MYO9A: variants seen among roughly 807,000 people sequenced by gnomAD.
MYO9A encodes myosin IXA, also known as unconventional myosin-IXa.
MYO9A carries 103 observed loss-of-function variants against 293.3 expected under a neutral mutation model. The observed-to-expected ratio is 0.35, with a 90% CI of 0.30 to 0.41. MYO9A has a LOEUF of 0.41. Ranked by LOEUF, MYO9A falls within the 10% of genes least tolerant of loss-of-function variation. MYO9A has a pLI of 1.00. For synonymous variants in MYO9A, 1,001 were observed against 1,035.7 expected (o/e 0.97, Z 0.64); for missense variants, 2,685 against 3,033.0 (o/e 0.89, Z 2.69).
chr15:71,937,157 T>A (rs925703677), intron 16 of MYO9A, among the ~76,000 whole-genome samples: 9 of 151,910 alleles, frequency 5.9e-5, no homozygotes, highest in Non-Finnish European at 1.3e-4. Flanking sequence ...GAGGAAAAAA[T>A]TCTTTTAAAA....
chr15:71,854,734 A>T (rs967719724), intron 34 of MYO9A, among the ~76,000 whole-genome samples, 165 bp from the exon 35 acceptor site: 1 of 152,246 alleles, frequency 6.6e-6, no homozygotes, highest in African/African-American at 2.4e-5. Flanking sequence ...TAAATGAGAT[A>T]TTAGTTTCAA....
At chr15:71,905,904 G>C (rs770148347) in intron 19 of MYO9A, among the ~76,000 whole-genome samples, 6 of 151,498 alleles carry the variant, frequency 4.0e-5, no homozygotes, top group Non-Finnish European at 5.9e-5. Context: ...GCTTGTATTG[G>C]GTTTCATATA....
At chr15:72,021,359 T>G (rs570170985) in intron 4 of MYO9A, among the ~76,000 whole-genome samples, 2 of 152,254 alleles carry the variant, frequency 1.3e-5, no homozygotes, top group Admixed American at 1.3e-4. Flanking sequence ...CAGAGAGTGT[T>G]TACTCAATAA....
At chr15:71,989,439 T>A (rs776934089) in intron 11 of MYO9A, among the ~76,000 whole-genome samples, 1 of 152,164 alleles carries the variant, frequency 6.6e-6, no homozygotes, top group Non-Finnish European at 1.5e-5. Context: ...AATCCACAGA[T>A]GCGCAAGTCT....
intron 39 of MYO9A, among the ~76,000 whole-genome samples, chr15:71,836,672 A>G (rs2054953529): frequency 6.6e-6 from 1 of 152,220 alleles, no homozygotes; most frequent in African/African-American, 2.4e-5. Flanking sequence ...TAAGTCTTAC[A>G]CACATAAGGT....
rs780710894 is a variant in MYO9A at position 71,893,663 on chromosome 15, A to G, written c.5142+16T>C. On this transcript the variant is annotated intron_variant, in intron 26 of 41. Coordinates refer to ENST00000356056, the MANE Select transcript of MYO9A (RefSeq NM_006901.4). ...CTTTTGTATAGAAGATAGATAAACAAAAACTCAAAACTTACCTCTCTTTGG... is the reference window on the plus strand; with the variant it reads ...CTTTTGTATAGAAGATAGATAAACAGAAACTCAAAACTTACCTCTCTTTGG... The G allele has an allele frequency of 1.3e-6, 2 of 1,598,794 alleles. No homozygotes were observed. Among genetic ancestry groups the G allele is most frequent in the South Asian group, 1.1e-5 (1 of 90,442 alleles).
intron 31 of MYO9A, among the ~76,000 whole-genome samples, chr15:71,876,425 ATTTTTTTTTTTTTTT>A (rs397854202): frequency 7.7e-4 from 47 of 61,074 alleles, no homozygotes; most frequent in African/African-American, 3.3e-3. Flanking sequence ...CCTGGCTGGT[ATTTTTTTTTTTTTTT>A]TTTTTTTTTT....
In MYO9A at chr15:71,829,640, A is replaced by G. The variant is rs28421817; in HGVS notation, c.7040+469T>C. Among the ~76,000 whole-genome samples, 941 of 152,024 alleles carry G rather than the reference A, an allele frequency of 6.2e-3. 13 individuals are homozygous for G. Among genetic ancestry groups the G allele is most frequent in the African/African-American group, 0.022 (894 of 41,448 alleles). On this transcript the variant is annotated intron_variant, in intron 40 of 41. Coordinates refer to ENST00000356056, the MANE Select transcript of MYO9A (RefSeq NM_006901.4). The stretch of plus-strand genomic sequence containing the variant: ...ATGGTCATATGGATCTTTGGCTAAT[A>G]ACCTTCCTTCATGGATTTGTGAATA...
chr15:71,892,939 T>C, intron 26 of MYO9A: 1 of 1,212,880 alleles, frequency 8.2e-7, no homozygotes, highest in Non-Finnish European at 1.1e-6. Context: ...TTGCTTGCTA[T>C]TTTTCTTATA....
intron 18 of MYO9A, among the ~76,000 whole-genome samples, chr15:71,925,106 G>C (rs758265153): frequency 6.6e-6 from 1 of 151,246 alleles, no homozygotes; most frequent in Non-Finnish European, 1.5e-5. Flanking sequence ...TATAATTACA[G>C]TATTGCTATC....
intron 39 of MYO9A, among the ~76,000 whole-genome samples, chr15:71,836,678 A>T (rs964524030): frequency 6.6e-6 from 1 of 152,084 alleles, no homozygotes; most frequent in African/African-American, 2.4e-5. Context: ...TTACACACAT[A>T]AGGTTGACTG....
At chr15:72,047,729 T>C (rs2078428646) in intron 1 of MYO9A, among the ~76,000 whole-genome samples, 1 of 151,118 alleles carries the variant, frequency 6.6e-6, no homozygotes, top group Non-Finnish European at 1.5e-5. Flanking sequence ...ATAAGGATGA[T>C]GTGCTATTAA....
intron 3 of MYO9A, among the ~76,000 whole-genome samples, chr15:72,029,869 C>T (rs1159922255): frequency 2.6e-5 from 4 of 152,158 alleles, no homozygotes; most frequent in East Asian, 1.9e-4. Flanking sequence ...TTAGGACAAA[C>T]CTCTTAGAGG....
chr15:71,842,352 G>A (rs1157048843), intron 39 of MYO9A, among the ~76,000 whole-genome samples: 2 of 152,046 alleles, frequency 1.3e-5, no homozygotes, highest in Non-Finnish European at 2.9e-5. Context: ...ACTCCAGCGT[G>A]GGTGACAGAG....
intron 3 of MYO9A, among the ~76,000 whole-genome samples, chr15:72,031,789 A>G (rs2077879564): frequency 6.6e-6 from 1 of 152,146 alleles, no homozygotes; most frequent in Non-Finnish European, 1.5e-5. Context: ...GACTCTGAAC[A>G]TAGACTATAT....
intron 34 of MYO9A, among the ~76,000 whole-genome samples, chr15:71,856,230 G>A (rs1178561080): frequency 6.6e-6 from 1 of 151,958 alleles, no homozygotes; most frequent in Non-Finnish European, 1.5e-5. Context: ...AGAATCACCT[G>A]AACACAGGAG....
chr15:72,060,645 G>T (rs2957367), intron 1 of MYO9A, among the ~76,000 whole-genome samples: 3 of 152,154 alleles, frequency 2.0e-5, no homozygotes, highest in Non-Finnish European at 4.4e-5. Flanking sequence ...GCATTTAGAC[G>T]AGCCCTAATC....
At chr15:71,994,328 T>C (rs1237703561) in intron 10 of MYO9A, 141 bp downstream of exon 10, 1 of 466,310 alleles carries the variant, frequency 2.1e-6, no homozygotes, top group East Asian at 3.5e-5. Flanking sequence ...ACAATTCTTC[T>C]GAACAGGGTA....
At chr15:71,836,680 G>A (rs2054954622) in intron 39 of MYO9A, among the ~76,000 whole-genome samples, 1 of 151,976 alleles carries the variant, frequency 6.6e-6, no homozygotes, top group Non-Finnish European at 1.5e-5. Flanking sequence ...ACACACATAA[G>A]GTTGACTGAA....
Sources: allele counts gnomAD v4.1 joint callset (sites outside exome capture counted in the v4.1 genomes callset), GRCh38; gene constraint gnomAD v4.1.1; transcripts MANE v1.5; gene names NCBI Gene and HGNC (gene_info 2026-07-23, HGNC 2026-07-21).